The following FHIT variants were observed in gnomAD, a reference collection of about 807,000 sequenced individuals.
FHIT encodes fragile histidine triad diadenosine triphosphatase.
A neutral mutation model predicts 17.9 loss-of-function variants in FHIT; 19 were observed. That is an observed-to-expected ratio of 1.06 (90% CI 0.74 to 1.56). The LOEUF (loss-of-function observed/expected upper bound fraction) is 1.56, where lower values mean the gene tolerates loss of function less well. Ranked by LOEUF, FHIT falls within the 40% of genes most tolerant of loss-of-function variation. The pLI is 0.00. For synonymous variants in FHIT, 81 were observed against 69.7 expected, an observed-to-expected ratio of 1.16 and a Z score of -0.81; for missense variants, 248 against 189.2, an observed-to-expected ratio of 1.31 and a Z score of -1.82.
chr3:59,812,032 A>G (rs1016218372), intron 8 of FHIT, among the ~76,000 whole-genome samples: 3 of 152,098 alleles, frequency 2.0e-5, no homozygotes, highest in African/African-American at 2.4e-5. Context: ...GTGGTTCTCA[A>G]CTGGGGGAGA....
At chr3:60,093,705 T>C (rs1703824188) in intron 5 of FHIT, among the ~76,000 whole-genome samples, 1 of 152,168 alleles carries the variant, frequency 6.6e-6, no homozygotes, top group African/African-American at 2.4e-5. Context: ...AACCCTACTA[T>C]GAACTGCACA....
intron 3 of FHIT, among the ~76,000 whole-genome samples, chr3:60,975,046 T>C (rs1043599637): frequency 6.6e-6 from 1 of 152,180 alleles, no homozygotes; most frequent in African/African-American, 2.4e-5. Context: ...TAGCTGTAAG[T>C]AATATTCCCA....
At chr3:60,386,848 T>C (rs1701029813) in intron 5 of FHIT, among the ~76,000 whole-genome samples, 1 of 152,092 alleles carries the variant, frequency 6.6e-6, no homozygotes, top group African/African-American at 2.4e-5. Context: ...TAAACAGAAC[T>C]ATGTCCACTA....
intron 3 of FHIT, among the ~76,000 whole-genome samples, chr3:61,006,297 T>C (rs1469828204): frequency 6.6e-6 from 1 of 152,184 alleles, no homozygotes; most frequent in Non-Finnish European, 1.5e-5. Flanking sequence ...TCAAGCAGTA[T>C]TTTTTAAGGA....
chr3:60,012,332 G>C (rs2106688801), intron 6 of FHIT, among the ~76,000 whole-genome samples: 1 of 141,488 alleles, frequency 7.1e-6, no homozygotes, highest in East Asian at 2.3e-4. Context: ...ATGGTGGCAT[G>C]ATGGCGGCTC....
At chr3:61,029,062 C>T (rs1230151221) in intron 3 of FHIT, among the ~76,000 whole-genome samples, 1 of 152,068 alleles carries the variant, frequency 6.6e-6, no homozygotes, top group East Asian at 1.9e-4. Flanking sequence ...TCCTCATGCT[C>T]TTCTGAGAAA....
At chr3:60,310,322 G>A (rs2106754117) in intron 5 of FHIT, among the ~76,000 whole-genome samples, 1 of 152,194 alleles carries the variant, frequency 6.6e-6, no homozygotes, top group Admixed American at 6.5e-5. Context: ...AAAAGGGAAT[G>A]GTGCTCTCTT....
chr3:61,146,197 T>C (rs1032021799), intron 2 of FHIT, among the ~76,000 whole-genome samples: 14 of 152,060 alleles, frequency 9.2e-5, no homozygotes, highest in African/African-American at 3.1e-4. Context: ...AAACATATGC[T>C]GAGCTACTGA....
intron 5 of FHIT, among the ~76,000 whole-genome samples, chr3:60,321,607 TAGG>T (rs1181256451): frequency 6.6e-6 from 1 of 152,230 alleles, no homozygotes; most frequent in African/African-American, 2.4e-5. Flanking sequence ...CCAAAGCCTG[TAGG>T]AGAACTGCTG....
At chr3:60,564,808 T>C (rs1436098753) in intron 4 of FHIT, among the ~76,000 whole-genome samples, 1 of 152,182 alleles carries the variant, frequency 6.6e-6, no homozygotes, top group Non-Finnish European at 1.5e-5. Flanking sequence ...ATGTGAACAT[T>C]GTCGAAATGA....
intron 5 of FHIT, among the ~76,000 whole-genome samples, chr3:60,100,704 G>A (rs192629414): frequency 1.3e-5 from 2 of 152,232 alleles, no homozygotes; most frequent in East Asian, 3.9e-4. Flanking sequence ...TAAAACCAGA[G>A]TGAATTTATT....
chr3:60,470,711 C>A (rs1361358572), intron 5 of FHIT, among the ~76,000 whole-genome samples: 1 of 152,014 alleles, frequency 6.6e-6, no homozygotes, highest in African/African-American at 2.4e-5. Context: ...CATACTGTGG[C>A]CAAACTGGTA....
chr3:60,371,060 A>T (rs1700306675), intron 5 of FHIT, among the ~76,000 whole-genome samples: 1 of 152,312 alleles, frequency 6.6e-6, no homozygotes, highest in South Asian at 2.1e-4. Flanking sequence ...CCACATGCTC[A>T]TCCTTGGGTC....
rs1163428359 is a variant in FHIT, at chr3:60,118,280, A to ATT, written c.104-104130_104-104129dup. 1.6e-4 allele frequency among the ~76,000 whole-genome samples: 21 copies of ATT among 135,076 alleles called. 1 individual carries two copies. The highest frequency in any genetic ancestry group is 2.4e-4 in the South Asian group (1 of 4,168). 88.6% of individuals were successfully genotyped at this position (135,076 alleles called of 152,430 possible). A position where few individuals can be genotyped will look rare whatever the true frequency, so the allele number is the denominator to read the frequency against. The stretch of plus-strand genomic sequence containing the variant: ...CACCACCATATCCAGCTCATTTTTA[A>ATT]TTTTTTTTTTTTTTTTGTAGAGACA... On this transcript the variant is annotated intron_variant, in intron 5 of 9. Transcript: ENST00000492590.
chr3:60,050,501 C>G (rs368200474), intron 5 of FHIT, among the ~76,000 whole-genome samples: 1 of 152,060 alleles, frequency 6.6e-6, no homozygotes, highest in African/African-American at 2.4e-5. Context: ...AGAATCTGAA[C>G]AAAACTGAAG....
chr3:60,100,390 A>G (rs1704141201), intron 5 of FHIT, among the ~76,000 whole-genome samples: 1 of 152,184 alleles, frequency 6.6e-6, no homozygotes, highest in Admixed American at 6.5e-5. Flanking sequence ...CCTCAAAAAA[A>G]AAAATTGTGA....
chr3:61,213,798 C>A (rs906900271), intron 1 of FHIT, among the ~76,000 whole-genome samples: 1 of 152,076 alleles, frequency 6.6e-6, no homozygotes, highest in East Asian at 1.9e-4. Context: ...GAAATTATAA[C>A]AAATTGTCTC....
chr3:60,831,288 A>G (rs1221309172), intron 3 of FHIT, among the ~76,000 whole-genome samples: 3 of 152,204 alleles, frequency 2.0e-5, no homozygotes, highest in Admixed American at 1.3e-4. Context: ...AGCAATTACT[A>G]AAATGTGAGA....
chr3:61,222,062 C>T (rs2039854065), intron 1 of FHIT, among the ~76,000 whole-genome samples: 6 of 152,188 alleles, frequency 3.9e-5, no homozygotes, highest in Middle Eastern at 3.2e-3. Context: ...AACGTCACTG[C>T]GGAGAGGGAG....
Sources: allele counts gnomAD v4.1 joint callset (sites outside exome capture counted in the v4.1 genomes callset), GRCh38; gene constraint gnomAD v4.1.1; transcripts MANE v1.5; gene names NCBI Gene and HGNC (gene_info 2026-07-23, HGNC 2026-07-21).